CALD1: variants seen among roughly 807,000 people sequenced by gnomAD.
CALD1 encodes the protein caldesmon.
Under a neutral mutation model 99.9 loss-of-function variants are expected in CALD1, and 33 were observed. The observed-to-expected ratio is 0.33, with a 90% CI of 0.25 to 0.44. CALD1 has a LOEUF of 0.44. Ranked by LOEUF, CALD1 falls within the 20% of genes least tolerant of loss-of-function variation. The pLI, the probability that CALD1 is intolerant of heterozygous loss-of-function variation, is 1.00. For synonymous variants in CALD1, 310 were observed against 325.0 expected (o/e 0.95, Z 0.50); for missense variants, 861 against 962.1 (o/e 0.89, Z 1.39).
chr7:134,778,451 A>G (rs1796972784), upstream of CALD1, among the ~76,000 whole-genome samples: 1 of 152,232 alleles, frequency 6.6e-6, no homozygotes, highest in Non-Finnish European at 1.5e-5. Context: ...CTTCTTGGTC[A>G]GTGATGAAAC....
chr7:134,795,550 G>A (rs1797713916), intron 1 of CALD1, among the ~76,000 whole-genome samples: 1 of 152,122 alleles, frequency 6.6e-6, no homozygotes, highest in Non-Finnish European at 1.5e-5. Flanking sequence ...GATATTTTAT[G>A]AACGGAAATA....
chr7:134,765,115 G>A (rs190637540), intron 1 of CALD1, among the ~76,000 whole-genome samples: 1 of 152,248 alleles, frequency 6.6e-6, no homozygotes, highest in Non-Finnish European at 1.5e-5. Context: ...AGGAGTTTGA[G>A]AGCAGCCTGG....
chr7:134,886,850 T>C (rs1285268336), intron 3 of CALD1, among the ~76,000 whole-genome samples: 3 of 152,236 alleles, frequency 2.0e-5, no homozygotes, highest in African/African-American at 7.2e-5. Context: ...TGTCTTATAA[T>C]AGAATTTTTG....
the CALD1 span, among the ~76,000 whole-genome samples, chr7:134,731,946 A>T: frequency 6.6e-6 from 1 of 151,758 alleles, no homozygotes. Flanking sequence ...ATTCATCAAA[A>T]TTTTTCTTTC....
At chr7:134,946,348 C>T (rs1390766953) in intron 7 of CALD1, among the ~76,000 whole-genome samples, 1 of 152,082 alleles carries the variant, frequency 6.6e-6, no homozygotes, top group African/African-American at 2.4e-5. Flanking sequence ...CTAAAATTTA[C>T]CATCTTAAGC....
the CALD1 span, among the ~76,000 whole-genome samples, chr7:134,719,387 C>G: frequency 6.6e-6 from 1 of 152,084 alleles, no homozygotes; most frequent in East Asian, 1.9e-4. Context: ...GGGAGCAGAA[C>G]AGGGTTATGA....
intron 13 of CALD1, chr7:134,962,728 C>T: frequency 2.3e-6 from 1 of 431,544 alleles, no homozygotes; most frequent in South Asian, 1.7e-5. Flanking sequence ...TTTGTCTATT[C>T]TTTGTGTCTA....
intron 1 of CALD1, among the ~76,000 whole-genome samples, chr7:134,820,712 A>G (rs7800283): frequency 0.47 from 71,437 of 151,924 alleles, 17,279 homozygotes; most frequent in East Asian, 0.7. Flanking sequence ...TAGATGCCCA[A>G]TTTCAAAGGA....
chr7:134,808,170 G>A lies in CALD1; in HGVS notation c.-130+28421G>A, dbSNP rs555525356. Among the ~76,000 whole-genome samples, 39 of 149,990 alleles carry A rather than the reference G, an allele frequency of 2.6e-4. No individual in the cohort carries two copies. The South Asian group carries it at 4.2e-3, about 16-fold the overall frequency. On this transcript the variant is annotated intron_variant, in intron 1 of 14. Transcript: ENST00000361675. ...GGCTTGAGTACAGTGGTGCAATCAT[G>A]TTTCACTGCAGCTCCCAACTCCTGG...
chr7:134,775,314 T>G (rs1198719127), upstream of CALD1, among the ~76,000 whole-genome samples: 2 of 152,256 alleles, frequency 1.3e-5, no homozygotes, highest in Non-Finnish European at 2.9e-5. Context: ...TTAGAATTGT[T>G]CTATAAAAAA....
At chr7:134,847,409 T>A (rs1307589687) in intron 2 of CALD1, among the ~76,000 whole-genome samples, 1 of 152,114 alleles carries the variant, frequency 6.6e-6, no homozygotes, top group Non-Finnish European at 1.5e-5. Context: ...AGAACTAGGC[T>A]TATATGGGAG....
chr7:134,900,006 C>G (rs908449789), intron 3 of CALD1: 1 of 152,068 alleles, frequency 6.6e-6, no homozygotes, highest in Non-Finnish European at 1.5e-5. Context: ...GTCAGTTCTC[C>G]AAATCACTCT....
chr7:134,956,464 G>A (rs1209239805), intron 9 of CALD1, among the ~76,000 whole-genome samples: 1 of 152,188 alleles, frequency 6.6e-6, no homozygotes, highest in Non-Finnish European at 1.5e-5. Flanking sequence ...CTTGTAAGAA[G>A]AGACACAGAA....
chr7:134,941,269 T>C (rs764866415), intron 7 of CALD1, 32 bp downstream of exon 7: 2 of 1,539,498 alleles, frequency 1.3e-6, no homozygotes, highest in Non-Finnish European at 1.7e-6. Flanking sequence ...ATAGAAACTG[T>C]GTTCACATGC....
chr7:134,841,685 G>T (rs963667539), intron 1 of CALD1, among the ~76,000 whole-genome samples: 1 of 152,188 alleles, frequency 6.6e-6, no homozygotes, highest in Admixed American at 6.5e-5. Flanking sequence ...TCATCTCTGG[G>T]CAGGGACAGA....
chr7:134,886,532 C>T (rs934704012), intron 3 of CALD1, among the ~76,000 whole-genome samples: 13 of 152,150 alleles, frequency 8.5e-5, no homozygotes, highest in African/African-American at 2.9e-4. Flanking sequence ...TTCAGCCAGG[C>T]CTTGGTCAGC....
chr7:134,967,046 T>A (rs1275813676), intron 14 of CALD1, among the ~76,000 whole-genome samples: 1 of 152,170 alleles, frequency 6.6e-6, no homozygotes, highest in Non-Finnish European at 1.5e-5. Context: ...GAAAAGCAGA[T>A]GTCAGCTGGC....
At chr7:134,913,272 A>C (rs1193781866) in intron 3 of CALD1, among the ~76,000 whole-genome samples, 4 of 152,168 alleles carry the variant, frequency 2.6e-5, no homozygotes, top group Non-Finnish European at 5.9e-5. Context: ...ATCTCAAAAA[A>C]GAAAAAAAAA....
At chr7:134,935,594 G>A (rs887636355) in intron 5 of CALD1, 94 bp from the exon 6 acceptor site, 37 of 1,508,522 alleles carry the variant, frequency 2.5e-5, no homozygotes, top group African/African-American at 4.2e-5. Flanking sequence ...ATCCCACGCA[G>A]CACTTGCAAG....
Sources: allele counts gnomAD v4.1 joint callset (sites outside exome capture counted in the v4.1 genomes callset), GRCh38; gene constraint gnomAD v4.1.1; transcripts MANE v1.5; gene names NCBI Gene and HGNC (gene_info 2026-07-23, HGNC 2026-07-21).